ZFPM1: variants seen among roughly 807,000 people sequenced by gnomAD.
ZFPM1 encodes the protein zinc finger protein, FOG family member 1.
ZFPM1 carries 28 observed loss-of-function variants against 46.3 expected under a neutral mutation model. The ratio of observed to expected loss-of-function variants is 0.60; its 90% confidence interval spans 0.45 to 0.83. The LOEUF (loss-of-function observed/expected upper bound fraction) is 0.83, where lower values mean the gene tolerates loss of function less well. Among genes scored for constraint, ZFPM1 ranks in the 40% least tolerant of loss-of-function variants. The pLI, the probability that ZFPM1 is intolerant of heterozygous loss-of-function variation, is 0.00. For missense variants in ZFPM1, 1,878 were observed against 1,432.4 expected (o/e 1.31, Z -5.02); for synonymous variants, 957 against 675.9 (o/e 1.42, Z -6.45).
intron 1 of ZFPM1, among the ~76,000 whole-genome samples, chr16:88,479,534 G>A (rs1378953556): frequency 6.6e-6 from 1 of 152,118 alleles, no homozygotes; most frequent in Non-Finnish European, 1.5e-5. Flanking sequence ...GAGCGAGCGG[G>A]GCCGTCCCCG....
intron 4 of ZFPM1, among the ~76,000 whole-genome samples, chr16:88,520,688 GATT>G (rs1187024534): frequency 2.5e-5 from 3 of 118,610 alleles, no homozygotes; most frequent in African/African-American, 9.6e-5. Context: ...TGGATGGATG[GATT>G]ATTAGGTGGA....
In ZFPM1 at chr16:88,526,804, C is replaced by A. The variant is rs776413606; in HGVS notation, c.403-10C>A. On this transcript the variant is annotated splice_polypyrimidine_tract_variant and intron_variant, in intron 4 of 9. Transcript: ENST00000319555. ...ACCCCTCCCCACGTGTTCCTACCCT[C>A]CCCCCCCAGAGCCCAGCCCTGACCC... is the stretch of plus-strand genomic sequence containing the variant. The A allele has an allele frequency of 1.1e-4, 147 of 1,381,126 alleles. No individual in the cohort carries two copies. The highest frequency in any genetic ancestry group is 7.9e-4 in the Middle Eastern group (4 of 5,080). 85.6% of individuals were successfully genotyped at this position (1,381,126 alleles called of 1,614,324 possible).
At chr16:88,473,040 C>T (rs750242101) in intron 1 of ZFPM1, among the ~76,000 whole-genome samples, 1 of 152,372 alleles carries the variant, frequency 6.6e-6, no homozygotes. Flanking sequence ...GGCCCTGCGG[C>T]GCTGCCGTCC....
At chr16:88,496,426 T>C (rs914828594) in intron 3 of ZFPM1, among the ~76,000 whole-genome samples, 3 of 151,902 alleles carry the variant, frequency 2.0e-5, no homozygotes, top group Non-Finnish European at 2.9e-5. Flanking sequence ...GCCTGTGCAG[T>C]TCCCGGGCAA....
rs78836374 is a variant in ZFPM1, at chr16:88,464,767, T to C, written c.40+11089T>C. ...CGGGCACAGGTTTCAGCTCCTGCGA[T>C]AACTGGGAAAGTTGAACTGGCCCCA... is the stretch of plus-strand genomic sequence containing the variant. On this transcript the variant is annotated intron_variant, in intron 1 of 9. Transcript: ENST00000319555. Among the ~76,000 whole-genome samples the C allele has an allele frequency of 3.4e-3, 512 of 152,246 alleles. 1 individual carries two copies. The highest frequency in any genetic ancestry group is 0.012 in the African/African-American group (482 of 41,542).
Position 88,473,360 on chromosome 16 carries a change from C to T in ZFPM1, c.41-12579C>T, listed in dbSNP as rs1908513883. On this transcript the variant is annotated intron_variant, in intron 1 of 9. Coordinates refer to ENST00000319555, the MANE Select transcript of ZFPM1 (RefSeq NM_153813.3). ...GGGCTTGTGAGCTCACCCACCGACC[C>T]TCAGGCCTCAGCCCAGCTGTACAGC... is the stretch of plus-strand genomic sequence containing the variant. Among the ~76,000 whole-genome samples, 3 of 152,250 alleles carry T rather than the reference C, an allele frequency of 2.0e-5. No individual in the cohort carries two copies. The South Asian group carries it at 6.2e-4, about 31-fold the overall frequency.
At chr16:88,523,642 AG>A (rs1268932440) in intron 4 of ZFPM1, among the ~76,000 whole-genome samples, 1 of 152,232 alleles carries the variant, frequency 6.6e-6, no homozygotes, top group Non-Finnish European at 1.5e-5. Flanking sequence ...CTCAGCAGCC[AG>A]GGCAGACTGG....
intron 4 of ZFPM1, among the ~76,000 whole-genome samples, chr16:88,522,735 A>G (rs55952707): frequency 0.072 from 10,904 of 152,234 alleles, 429 homozygotes; most frequent in South Asian, 0.12. Flanking sequence ...GAGGAGGGAC[A>G]GGGCAACCCC....
At chr16:88,474,714 T>C (rs1429703690) in intron 1 of ZFPM1, among the ~76,000 whole-genome samples, 2 of 152,214 alleles carry the variant, frequency 1.3e-5, no homozygotes, top group African/African-American at 2.4e-5. Flanking sequence ...TTCTCCATCC[T>C]GAACACTGTC....
At chr16:88,458,800 G>C (rs1261419260) in intron 1 of ZFPM1, among the ~76,000 whole-genome samples, 1 of 152,176 alleles carries the variant, frequency 6.6e-6, no homozygotes, top group Non-Finnish European at 1.5e-5. Context: ...CCACAGGTCT[G>C]CTCTCCAGAC....
At chr16:88,506,947 C>T (rs1910695729) in intron 3 of ZFPM1, among the ~76,000 whole-genome samples, 1 of 152,244 alleles carries the variant, frequency 6.6e-6, no homozygotes, top group Admixed American at 6.5e-5. Context: ...TTGTTCCTTC[C>T]ATCTCGGCTG....
At position 88,473,089 on chromosome 16, in the gene ZFPM1, G is replaced by A. The variant is rs192862624; in HGVS notation, c.41-12850G>A. ...GCAGCCTCCGTTTCTGCAGCTGTGC[G>A]GTGGGAGCAGTTGCTTTGCTGCCTG... is the stretch of plus-strand genomic sequence containing the variant. On this transcript the variant is annotated intron_variant, in intron 1 of 9. Transcript: ENST00000319555. 6.6e-5 allele frequency among the ~76,000 whole-genome samples: 10 copies of A among 152,408 alleles called. No individual in the cohort carries two copies. The East Asian group carries it at 1.3e-3, about 21-fold the overall frequency.
Position 88,536,853 on chromosome 16 carries a change from T to C in ZFPM1, c.*1874T>C, listed in dbSNP as rs1489374787. On this transcript the variant is annotated 3_prime_UTR_variant, in exon 10 of 10. Transcript: ENST00000319555. ...GGAGGCACGGACCCCTCAAGTCTGC[T>C]CATCATTTGCATTGTTGTGCATGAA... is the stretch of plus-strand genomic sequence containing the variant. The C allele has an allele frequency of 6.6e-6, 1 of 152,268 alleles. No individual in the cohort carries two copies. Among genetic ancestry groups the C allele is most frequent in the Admixed American group, 6.5e-5 (1 of 15,290 alleles). The allele number at this position is 152,268 out of a possible 1,614,324, so 9.4% of individuals were successfully genotyped here. A position where few individuals can be genotyped will look rare whatever the true frequency, so the allele number is the denominator to read the frequency against.
At chr16:88,481,965 C>T (rs980809182) in intron 1 of ZFPM1, among the ~76,000 whole-genome samples, 1 of 152,218 alleles carries the variant, frequency 6.6e-6, no homozygotes, top group African/African-American at 2.4e-5. Flanking sequence ...CGTTTCATCT[C>T]CTGAAGTGGG....
intron 3 of ZFPM1, among the ~76,000 whole-genome samples, chr16:88,512,477 C>T (rs1219076086): frequency 6.6e-6 from 1 of 152,162 alleles, no homozygotes; most frequent in African/African-American, 2.4e-5. Flanking sequence ...AAGGAAGTCG[C>T]AGCCACTCCT....
chr16:88,452,389 A>G (rs1310977424), upstream of ZFPM1, among the ~76,000 whole-genome samples: 4 of 151,694 alleles, frequency 2.6e-5, no homozygotes, highest in African/African-American at 9.7e-5. Context: ...GCTGTGGGCA[A>G]CTCCTTCGTG....
chr16:88,473,423 C>T (rs1489678429), intron 1 of ZFPM1, among the ~76,000 whole-genome samples: 1 of 152,186 alleles, frequency 6.6e-6, no homozygotes, highest in African/African-American at 2.4e-5. Flanking sequence ...GCCTTGAGGG[C>T]GGGGTGAGGT....
Position 88,533,199 on chromosome 16 carries a change from C to T in ZFPM1, c.1241C>T (p.Ala414Val). The T allele has an allele frequency of 6.5e-7, 1 of 1,542,684 alleles. No homozygotes were observed. The part of the protein sequence containing the change: ...QQHTALQGPL[A>V]SADLGLAPTP... ...CACACGGCCCTGCAAGGCCCCCTGG[C>T]CTCCGCGGACCTGGGCCTGGCGCCC... is the stretch of plus-strand genomic sequence containing the variant. Residue 414 changes from alanine to valine, a missense_variant, in exon 10 of 10, where the codon GCC becomes GTC. Transcript: ENST00000319555.
Position 88,485,920 on chromosome 16 carries a change from C to G in ZFPM1, c.41-19C>G. On this transcript the variant is annotated intron_variant, in intron 1 of 9. Coordinates refer to ENST00000319555, the MANE Select transcript of ZFPM1 (RefSeq NM_153813.3). ...CCCCCCAGAGCTCCTCCCGAACCCC[C>G]ATCGTCTTGTGTCCACAGGTTCCCT... The G allele has an allele frequency of 1.2e-6, 2 of 1,611,702 alleles. No homozygotes were observed. Among genetic ancestry groups the G allele is most frequent in the Non-Finnish European group, 1.7e-6 (2 of 1,179,016 alleles).
Sources: gnomAD v4.1 joint callset for allele counts (sites outside exome capture counted in the v4.1 genomes callset) on GRCh38, gnomAD v4.1.1 for gene constraint, MANE v1.5 for transcripts, NCBI Gene and HGNC (gene_info 2026-07-23, HGNC 2026-07-21) for gene names.